Variants in ADCYAP1 observed in about 807,000 individuals in gnomAD.
ADCYAP1 encodes adenylate cyclase activating polypeptide 1, also known as pituitary adenylate cyclase-activating polypeptide.
In ADCYAP1, 6 loss-of-function variants were observed where a neutral mutation model predicts 18.5. The observed-to-expected ratio is 0.32, with a 90% CI of 0.18 to 0.64. ADCYAP1 has a LOEUF of 0.64. ADCYAP1 is among the 30% of genes least tolerant of loss of function. The pLI is 0.77. For synonymous variants in ADCYAP1, 136 were observed against 113.9 expected (o/e 1.19, Z -1.24); for missense variants, 314 against 253.6 (o/e 1.24, Z -1.62).
chr18:907,857 A>AAG, intron 3 of ADCYAP1, 67 bp downstream of exon 3: 1 of 1,401,392 alleles, frequency 7.1e-7, no homozygotes, highest in Non-Finnish European at 9.1e-7. Flanking sequence ...CGGGAGGGGC[A>AAG]GTGTGGTGAC....
In ADCYAP1 at chr18:907,752, G is replaced by T. The variant is rs1185394912; in HGVS notation, c.204G>T (p.Pro68=). 2.7e-6 allele frequency: 4 copies of T among 1,503,620 alleles called. No homozygotes were observed. Among genetic ancestry groups the T allele is most frequent in the Non-Finnish European group, 3.5e-6 (4 of 1,133,868 alleles). The allele number at this position is 1,503,620 out of a possible 1,614,324, so 93.1% of individuals were successfully genotyped here. A position where few individuals can be genotyped will look rare whatever the true frequency, so the allele number is the denominator to read the frequency against. The change falls in exon 3 of 5, where the codon CCG becomes CCT. Residue 68 remains proline (P), a synonymous_variant. Coordinates refer to ENST00000450565, the MANE Select transcript of ADCYAP1 (RefSeq NM_001099733.2). The stretch of plus-strand genomic sequence containing the variant: ...GCGCAGGGAGCCCCGCCTCCGCGCC[G>T]CGCGCCGCCGCCGCCTGGTACCGCC... ...PPGAGSPASA[P]RAAAAWYRPA... is the part of the protein sequence containing the mutation.
chr18:909,352 G>C, intron 4 of ADCYAP1, 94 bp from the exon 5 acceptor site: 2 of 1,292,776 alleles, frequency 1.5e-6, no homozygotes, highest in Non-Finnish European at 2.1e-6. Context: ...CCTCCCCGAA[G>C]GCTCCCGCGT....
rs1315537449 is a variant in ADCYAP1, at chr18:909,718, G to C, written c.*83G>C. The C allele has an allele frequency of 1.3e-5, 16 of 1,263,756 alleles. No individual in the cohort carries two copies. In the South Asian group the frequency reaches 2.2e-4, roughly 17 times the overall value. The allele number at this position is 1,263,756 out of a possible 1,614,324, so 78.3% of individuals were successfully genotyped here. On this transcript the variant is annotated 3_prime_UTR_variant, in exon 5 of 5. Transcript: ENST00000450565. ...CAAACTGACTCAACAGTCATCGCTC[G>C]TGTGTTCTATCCAAACATGTATTTA...
chr18:908,115 C>A, intron 3 of ADCYAP1, 150 bp from the exon 4 acceptor site: 1 of 728,128 alleles, frequency 1.4e-6, no homozygotes, highest in Non-Finnish European at 2.2e-6. Context: ...CGAGATCATC[C>A]CGGGAGTTAT....
At position 909,874 on chromosome 18, in the gene ADCYAP1, ATATATATATAT is replaced by A. The variant is rs1274917691; in HGVS notation, c.*240_*250del. 2 of 344 alleles carry A rather than the reference ATATATATATAT, an allele frequency of 5.8e-3. No individual in the cohort carries two copies. The highest frequency in any genetic ancestry group is 0.036 in the Admixed American group (1 of 28). 0.0% of individuals were successfully genotyped at this position (344 alleles called of 1,614,324 possible). A position where few individuals can be genotyped will look rare whatever the true frequency, so the allele number is the denominator to read the frequency against. Reference sequence around the variant, plus strand: ...TATATATTATAAATATATATAAAGAATATATATATATATATATATATATATATATATAAAGT... The same window carrying A: ...TATATATTATAAATATATATAAAGAAATATATATATATATATATATAAAGT... On this transcript the variant is annotated 3_prime_UTR_variant, in exon 5 of 5. Coordinates refer to ENST00000450565, the MANE Select transcript of ADCYAP1 (RefSeq NM_001099733.2).
At chr18:908,439 T>C in intron 4 of ADCYAP1, 76 bp downstream of exon 4, 3 of 1,254,498 alleles carry the variant, frequency 2.4e-6, no homozygotes, top group Admixed American at 2.0e-5. Flanking sequence ...CGGGCGGCGG[T>C]GGGTGCCCGT....
chr18:906,803 G>T (rs913406763), intron 2 of ADCYAP1: 4 of 152,298 alleles, frequency 2.6e-5, no homozygotes, highest in African/African-American at 9.6e-5. Context: ...AAGAACGGAG[G>T]CTGTAGAGGG....
chr18:904,926 T>C lies in ADCYAP1; in HGVS notation c.-136T>C, dbSNP rs1244656804. 1.6e-6 allele frequency: 2 copies of C among 1,290,028 alleles called. No homozygotes were observed. The highest frequency in any genetic ancestry group is 2.0e-6 in the Non-Finnish European group (2 of 989,346). The allele number at this position is 1,290,028 out of a possible 1,614,324, so 79.9% of individuals were successfully genotyped here. On this transcript the variant is annotated 5_prime_UTR_variant, in exon 1 of 5. Transcript: ENST00000450565. Reference sequence around the variant, plus strand: ...AGCTCCTCCTGCTGCTCCCGCTGGTTCCTGCGGCTTCTGCTCAGACACCAA... The same window carrying C: ...AGCTCCTCCTGCTGCTCCCGCTGGTCCCTGCGGCTTCTGCTCAGACACCAA...
At chr18:904,735 G>A (rs1338736480), upstream of ADCYAP1, 6 of 1,244,614 alleles carry the variant, frequency 4.8e-6, no homozygotes, top group Non-Finnish European at 4.2e-6. Flanking sequence ...TCTTCCTCCG[G>A]GTGGACTTAC....
chr18:907,561 C>T, intron 2 of ADCYAP1, 98 bp from the exon 3 acceptor site: 1 of 1,275,214 alleles, frequency 7.8e-7, no homozygotes, highest in Non-Finnish European at 1.1e-6. Context: ...GGACTTTTAT[C>T]ACCTGTGAAA....
intron 4 of ADCYAP1, among the ~76,000 whole-genome samples, chr18:908,785 A>G (rs1909276326): frequency 6.6e-6 from 1 of 152,126 alleles, no homozygotes; most frequent in Admixed American, 6.5e-5. Flanking sequence ...ATGGACCCAA[A>G]CAGTTTTGCT....
intron 2 of ADCYAP1, 155 bp downstream of exon 2, chr18:905,651 TC>T (rs1909140805): frequency 4.4e-6 from 4 of 917,102 alleles, no homozygotes; most frequent in Non-Finnish European, 6.4e-6. Flanking sequence ...GGACAGCGGG[TC>T]CCCATTCTAG....
In ADCYAP1 at chr18:910,095, A is replaced by G. The variant is rs980149218; in HGVS notation, c.*460A>G. On this transcript the variant is annotated 3_prime_UTR_variant, in exon 5 of 5. Coordinates refer to ENST00000450565, the MANE Select transcript of ADCYAP1 (RefSeq NM_001099733.2). ...AGGCCTGAAGATATTACTACTTACC[A>G]TTTGCTACTGTACATAAACAATGAT... 1.3e-5 allele frequency: 2 copies of G among 152,518 alleles called. No homozygotes were observed. Among genetic ancestry groups the G allele is most frequent in the African/African-American group, 2.4e-5 (1 of 41,412 alleles). The allele number at this position is 152,518 out of a possible 1,614,324, so 9.4% of individuals were successfully genotyped here. A position where few individuals can be genotyped will look rare whatever the true frequency, so the allele number is the denominator to read the frequency against.
At chr18:908,240 G>A (rs1384649982) in intron 3 of ADCYAP1, 25 bp from the exon 4 acceptor site, 26 of 1,597,090 alleles carry the variant, frequency 1.6e-5, no homozygotes, top group Non-Finnish European at 2.1e-5. Context: ...AGTGACCCTG[G>A]GCGCGCACTT....
chr18:908,447 C>G, intron 4 of ADCYAP1, 84 bp downstream of exon 4: 1 of 1,200,764 alleles, frequency 8.3e-7, no homozygotes, highest in Non-Finnish European at 1.2e-6. Context: ...GGTGGGTGCC[C>G]GTGGGGGCCA....
intron 3 of ADCYAP1, 77 bp from the exon 4 acceptor site, chr18:908,188 G>T: frequency 7.5e-7 from 1 of 1,334,174 alleles, no homozygotes; most frequent in Non-Finnish European, 1.0e-6. Flanking sequence ...GGGGGCGCGC[G>T]CCCAACAAGG....
chr18:904,898 C>T lies in ADCYAP1; in HGVS notation c.-164C>T, dbSNP rs1291766311. The T allele has an allele frequency of 2.3e-6, 3 of 1,288,824 alleles. No individual in the cohort carries two copies. The highest frequency in any genetic ancestry group is 1.2e-5 in the South Asian group (1 of 80,982). The allele number at this position is 1,288,824 out of a possible 1,614,324, so 79.8% of individuals were successfully genotyped here. On this transcript the variant is annotated 5_prime_UTR_variant, in exon 1 of 5. Transcript: ENST00000450565. ...AACACGAGCCTCGGCAAACGAGTCC[C>T]GCAGCTCCTCCTGCTGCTCCCGCTG...
Position 908,363 on chromosome 18 carries a change from G to A in ADCYAP1, c.341G>A (p.Gly114Asp). Residue 114 changes from glycine to aspartate, a missense_variant and splice_region_variant, in exon 4 of 5, where the codon GGT becomes GAT. By Grantham distance (94) the Gly-to-Asp change is moderately conservative (BLOSUM62 -1). Coordinates refer to ENST00000450565, the MANE Select transcript of ADCYAP1 (RefSeq NM_001099733.2). The part of the protein sequence containing the change: ...HLQSLVARGV[G>D]GSLGGGAGDD... ...CAGTCGCTCGTGGCCCGGGGCGTGG[G>A]GTAAGAGTTTGTGGAAGGATTAACC... The A allele has an allele frequency of 1.2e-6, 2 of 1,612,012 alleles. No individual in the cohort carries two copies. Among genetic ancestry groups the A allele is most frequent in the Non-Finnish European group, 1.7e-6 (2 of 1,179,104 alleles).
intron 1 of ADCYAP1, 117 bp downstream of exon 1, chr18:905,177 G>T (rs1567853020): frequency 1.4e-6 from 2 of 1,411,534 alleles, no homozygotes; most frequent in Non-Finnish European, 9.2e-7. Context: ...GTTATTGGGC[G>T]CCGGGTAGAT....
Sources: allele counts gnomAD v4.1 joint callset (sites outside exome capture counted in the v4.1 genomes callset), GRCh38; gene constraint gnomAD v4.1.1; transcripts MANE v1.5; gene names NCBI Gene and HGNC (gene_info 2026-07-23, HGNC 2026-07-21).